The following USP43 variants were observed in gnomAD, a reference collection of about 807,000 sequenced individuals.
USP43 encodes the protein ubiquitin specific peptidase 43.
A neutral mutation model predicts 90.7 loss-of-function variants in USP43; 33 were observed. The observed-to-expected ratio is 0.36, with a 90% CI of 0.28 to 0.49. The LOEUF is 0.49. Ranked by LOEUF, USP43 falls within the 20% of genes least tolerant of loss-of-function variation. The probability of loss-of-function intolerance (pLI) is 0.98; values close to 1 mark genes in which losing one functional copy is unlikely to be tolerated. For synonymous variants in USP43, 598 were observed against 615.8 expected (o/e 0.97, Z 0.43); for missense variants, 1,274 against 1,476.4 (o/e 0.86, Z 2.25).
intron 14 of USP43, among the ~76,000 whole-genome samples, chr17:9,722,544 G>A (rs891363465): frequency 2.4e-4 from 36 of 152,140 alleles, no homozygotes; most frequent in African/African-American, 8.0e-4. Flanking sequence ...CGAGCGAGTC[G>A]CGCTTTGTTT....
At position 9,701,362 on chromosome 17, in the gene USP43, A is replaced by G. The variant is rs1293693815; in HGVS notation, c.1673A>G (p.Asp558Gly). ...FYTKEEQLAQ[D>G]DAWKCPHCQV... Reference sequence around the variant, plus strand: ...TGGTTTGCTTTCCAGCTGGCCCAGGATGACGCCTGGAAGTGTCCTCACTGC... The same window carrying G: ...TGGTTTGCTTTCCAGCTGGCCCAGGGTGACGCCTGGAAGTGTCCTCACTGC... The change falls in exon 12 of 15, where the codon GAT becomes GGT. Residue 558 changes from aspartate (D) to glycine (G), a missense_variant. Physicochemically the swap from Asp to Gly is moderately conservative, Grantham distance 94 (BLOSUM62 -1). This residue lies in a region of USP43 where 253 missense variants were observed against 276.0 expected (regional missense o/e 0.92). Transcript: ENST00000285199. The surrounding 1 kb of genome is among the most constrained non-coding windows in gnomAD (Gnocchi z 7.2). The G allele has an allele frequency of 6.3e-7, 1 of 1,597,138 alleles. No individual in the cohort carries two copies. The highest frequency in any genetic ancestry group is 8.5e-7 in the Non-Finnish European group (1 of 1,172,030).
intron 10 of USP43, 133 bp from the exon 11 acceptor site, chr17:9,700,986 G>T: frequency 8.6e-7 from 1 of 1,156,522 alleles, no homozygotes; most frequent in Non-Finnish European, 1.1e-6. Flanking sequence ...CAGCTCTCCA[G>T]GAACCCATAG....
intron 12 of USP43, among the ~76,000 whole-genome samples, chr17:9,704,683 G>A (rs1481071437): frequency 6.6e-6 from 1 of 152,042 alleles, no homozygotes; most frequent in Non-Finnish European, 1.5e-5. Flanking sequence ...TTGGCTTCTT[G>A]TGGTTTCTGA....
intron 9 of USP43, among the ~76,000 whole-genome samples, chr17:9,695,250 G>C (rs1049922508): frequency 2.6e-5 from 4 of 151,312 alleles, no homozygotes; most frequent in African/African-American, 9.7e-5. Context: ...TTTAGCCCTT[G>C]CCCTGCCTCT....
chr17:9,645,762 T>C lies in USP43; in HGVS notation c.130T>C (p.Ser44Pro), dbSNP rs1451203830. The change falls in exon 1 of 15, where the codon TCA becomes CCA. Residue 44 changes from serine (S) to proline (P), a missense_variant. Coordinates refer to ENST00000285199, the MANE Select transcript of USP43 (RefSeq NM_153210.5). The surrounding 1 kb of genome is among the most constrained non-coding windows in gnomAD (Gnocchi z 6.8). The stretch of plus-strand genomic sequence containing the variant: ...GGGCAGCCGCTCACGCCCCGGGGAC[T>C]CACCGCCCCGGCCCCAGCCGGGACA... Reference protein sequence around the residue: ...ALGSRSRPGDSPPRPQPGHCD... With the variant: ...ALGSRSRPGDPPPRPQPGHCD... 7.2e-7 allele frequency: 1 copy of C among 1,394,754 alleles called. No homozygotes were observed. Among genetic ancestry groups the C allele is most frequent in the Non-Finnish European group, 9.2e-7 (1 of 1,081,996 alleles). The allele number at this position is 1,394,754 out of a possible 1,614,324, so 86.4% of individuals were successfully genotyped here.
At chr17:9,693,258 G>C in intron 9 of USP43, 28 bp downstream of exon 9, 1 of 1,550,588 alleles carries the variant, frequency 6.4e-7, no homozygotes, top group South Asian at 1.1e-5. Context: ...GGTTCAGTCA[G>C]CTAATGAACC....
At chr17:9,671,024 T>C (rs187672497) in intron 3 of USP43, among the ~76,000 whole-genome samples, 1 of 152,294 alleles carries the variant, frequency 6.6e-6, no homozygotes, top group African/African-American at 2.4e-5. Flanking sequence ...GGCATCAGCC[T>C]TCTTGATGTA....
At chr17:9,665,030 A>G (rs1912933743) in intron 2 of USP43, among the ~76,000 whole-genome samples, 2 of 152,216 alleles carry the variant, frequency 1.3e-5, no homozygotes, top group African/African-American at 4.8e-5. Context: ...GACCTCTTCC[A>G]GGGCAGAAAT....
At chr17:9,682,781 C>T (rs368021770) in intron 6 of USP43, 42 bp from the exon 7 acceptor site, 1 of 1,597,920 alleles carries the variant, frequency 6.3e-7, no homozygotes. Flanking sequence ...AGGAAAGCAG[C>T]TCCTTTAGGA....
intron 7 of USP43, among the ~76,000 whole-genome samples, chr17:9,685,115 G>A (rs891365681): frequency 2.6e-5 from 4 of 152,190 alleles, no homozygotes; most frequent in African/African-American, 4.8e-5. Context: ...TAAGTAAACC[G>A]ATCTGTCCAT....
intron 2 of USP43, among the ~76,000 whole-genome samples, chr17:9,665,301 A>C (rs187921303): frequency 6.6e-6 from 1 of 152,164 alleles, no homozygotes; most frequent in Non-Finnish European, 1.5e-5. Flanking sequence ...TCACACTGCT[A>C]TAAAGGAATA....
At chr17:9,659,580 A>G (rs1268261132) in intron 2 of USP43, among the ~76,000 whole-genome samples, 9 of 151,708 alleles carry the variant, frequency 5.9e-5, no homozygotes, top group African/African-American at 2.2e-4. Flanking sequence ...AAGCCCTCTT[A>G]TCCTGTTTTT....
chr17:9,701,827 C>A lies in USP43; in HGVS notation c.2011+127C>A. On this transcript the variant is annotated intron_variant, in intron 12 of 14. Transcript: ENST00000285199. The surrounding 1 kb of genome is among the most constrained non-coding windows in gnomAD (Gnocchi z 7.2). ...TTGAGATCCGACCCCTCACCCACCGCACACCAGGAAGATGAGGATGAGGAA... is the reference window on the plus strand; with the variant it reads ...TTGAGATCCGACCCCTCACCCACCGAACACCAGGAAGATGAGGATGAGGAA... 1.3e-6 allele frequency: 1 copy of A among 780,380 alleles called. No homozygotes were observed. The highest frequency in any genetic ancestry group is 2.0e-6 in the Non-Finnish European group (1 of 509,390). The allele number at this position is 780,380 out of a possible 1,614,324, so 48.3% of individuals were successfully genotyped here. A position where few individuals can be genotyped will look rare whatever the true frequency, so the allele number is the denominator to read the frequency against.
intron 1 of USP43, among the ~76,000 whole-genome samples, chr17:9,652,651 A>G (rs57542356): frequency 6.6e-6 from 1 of 151,586 alleles, no homozygotes; most frequent in Non-Finnish European, 1.5e-5. Flanking sequence ...GTGAGCCACC[A>G]CCCCTGGCCT....
At chr17:9,681,657 C>G (rs1914298968) in intron 6 of USP43, among the ~76,000 whole-genome samples, 1 of 150,296 alleles carries the variant, frequency 6.7e-6, no homozygotes, top group Non-Finnish European at 1.5e-5. Context: ...CCACGCTTGG[C>G]TAGTTTTTGT....
Position 9,646,172 on chromosome 17 carries a change from C to T in USP43, c.504+36C>T, listed in dbSNP as rs76808429. The T allele has an allele frequency of 2.9e-6, 4 of 1,391,378 alleles. No homozygotes were observed. In the East Asian group the frequency reaches 9.2e-5, roughly 32 times the overall value. 86.2% of individuals were successfully genotyped at this position (1,391,378 alleles called of 1,614,324 possible). A position where few individuals can be genotyped will look rare whatever the true frequency, so the allele number is the denominator to read the frequency against. On this transcript the variant is annotated intron_variant, in intron 1 of 14. Coordinates refer to ENST00000285199, the MANE Select transcript of USP43 (RefSeq NM_153210.5). Reference sequence around the variant, plus strand: ...CTGCGCCGCCGACCGCCCTGTCCCCCTGGTTTCGCCTCTTGAAAAGTGTGT... The same window carrying T: ...CTGCGCCGCCGACCGCCCTGTCCCCTTGGTTTCGCCTCTTGAAAAGTGTGT...
chr17:9,715,679 CTGTG>C (rs1916480415), intron 14 of USP43, among the ~76,000 whole-genome samples: 1 of 122,262 alleles, frequency 8.2e-6, no homozygotes, highest in African/African-American at 3.3e-5. Flanking sequence ...GTGTGTGTGT[CTGTG>C]TGTATGTGTG....
In USP43 at chr17:9,701,999, A is replaced by G. The variant is rs1231600771; in HGVS notation, c.2011+299A>G. Among the ~76,000 whole-genome samples, 1 of 152,180 alleles carries G rather than the reference A, an allele frequency of 6.6e-6. No homozygotes were observed. The highest frequency in any genetic ancestry group is 1.9e-4 in the East Asian group (1 of 5,190). ...CACGGTAGTGTGGCTGTCTCGCACC[A>G]TGTGCGAGAGCAGAAGGGACCTTGT... is the stretch of plus-strand genomic sequence containing the variant. On this transcript the variant is annotated intron_variant, in intron 12 of 14. Coordinates refer to ENST00000285199, the MANE Select transcript of USP43 (RefSeq NM_153210.5). The surrounding 1 kb of genome is among the most constrained non-coding windows in gnomAD (Gnocchi z 7.2).
rs2151979042 is a variant in USP43, at chr17:9,686,190, T to A, written c.1242-608T>A. Among the ~76,000 whole-genome samples the A allele has an allele frequency of 6.6e-6, 1 of 152,344 alleles. No individual in the cohort carries two copies. Among genetic ancestry groups the A allele is most frequent in the East Asian group, 1.9e-4 (1 of 5,186 alleles). ...TCCGTTGTGTATATAGACCACATTT[T>A]CTTTTTCATTTCTTTTCCATTCATC... is the stretch of plus-strand genomic sequence containing the variant. On this transcript the variant is annotated intron_variant, in intron 7 of 14. Coordinates refer to ENST00000285199, the MANE Select transcript of USP43 (RefSeq NM_153210.5). This position sits in a 1 kb window ranked among gnomAD's most constrained non-coding sequence, Gnocchi z 5.5.
Sources: allele counts gnomAD v4.1 joint callset (sites outside exome capture counted in the v4.1 genomes callset), GRCh38; gene constraint gnomAD v4.1.1; regional missense constraint gnomAD v4.1.1; non-coding constraint Gnocchi (gnomAD v3.1); transcripts MANE v1.5; gene names NCBI Gene and HGNC (gene_info 2026-07-23, HGNC 2026-07-21).